ASTN2: variants seen among roughly 807,000 people sequenced by gnomAD.
ASTN2 encodes the protein astrotactin-2.
ASTN2 carries 54 observed loss-of-function variants against 139.8 expected under a neutral mutation model. The observed-to-expected ratio is 0.39, with a 90% CI of 0.31 to 0.48. ASTN2 has a LOEUF of 0.48. Among genes scored for constraint, ASTN2 ranks in the 20% least tolerant of loss-of-function variants. The probability of loss-of-function intolerance (pLI) is 0.95; values close to 1 mark genes in which losing one functional copy is unlikely to be tolerated. For synonymous variants in ASTN2, 756 were observed against 719.5 expected (o/e 1.05, Z -0.81); for missense variants, 1,565 against 1,725.1 (o/e 0.91, Z 1.64).
At chr9:117,400,200 A>T (rs538490033) in intron 1 of ASTN2, among the ~76,000 whole-genome samples, 14 of 152,186 alleles carry the variant, frequency 9.2e-5, no homozygotes, top group Non-Finnish European at 1.8e-4. Flanking sequence ...GTCACACAAC[A>T]AATCAATGGC....
chr9:117,095,974 A>G (rs1278440532), intron 5 of ASTN2, 70 bp downstream of exon 5: 4 of 1,446,958 alleles, frequency 2.8e-6, no homozygotes, highest in African/African-American at 1.4e-5. Flanking sequence ...TTGCTAGTGA[A>G]CACAAAATCT....
At chr9:117,342,164 C>T (rs910239117) in intron 1 of ASTN2, among the ~76,000 whole-genome samples, 5 of 152,098 alleles carry the variant, frequency 3.3e-5, no homozygotes, top group African/African-American at 7.2e-5. Context: ...GAACTCAGGT[C>T]CCCGAACAAA....
At chr9:117,053,463 A>C (rs1838973065) in intron 5 of ASTN2, among the ~76,000 whole-genome samples, 1 of 151,376 alleles carries the variant, frequency 6.6e-6, no homozygotes, top group South Asian at 2.1e-4. Flanking sequence ...TGAAAAAAAA[A>C]CTAATGATCT....
chr9:117,154,089 A>G (rs1335186321), intron 3 of ASTN2, among the ~76,000 whole-genome samples: 1 of 152,030 alleles, frequency 6.6e-6, no homozygotes, highest in Non-Finnish European at 1.5e-5. Context: ...GGTGGTTATA[A>G]AATTAAACAT....
At chr9:116,910,435 AC>A (rs1354238017) in intron 10 of ASTN2, among the ~76,000 whole-genome samples, 8 of 152,186 alleles carry the variant, frequency 5.3e-5, no homozygotes, top group African/African-American at 1.7e-4. Context: ...AATCATGACA[AC>A]CAAAAATGTT....
Position 116,560,280 on chromosome 9 carries a change from C to CT in ASTN2, c.3355+58043dup, listed in dbSNP as rs1852838968. ...TCTCATTACATCACTAACTCACTAGCTCCTTCACTCATTCCATAAGCCTTC... is the reference window on the plus strand; with the variant it reads ...TCTCATTACATCACTAACTCACTAGCTTCCTTCACTCATTCCATAAGCCTTC... On this transcript the variant is annotated intron_variant, in intron 19 of 22. Transcript: ENST00000313400. Among the ~76,000 whole-genome samples the CT allele has an allele frequency of 2.6e-5, 4 of 152,330 alleles. 1 individual carries two copies. The South Asian group carries it at 8.3e-4, about 32-fold the overall frequency.
intron 1 of ASTN2, among the ~76,000 whole-genome samples, chr9:117,338,381 A>G (rs1236943804): frequency 1.3e-5 from 2 of 152,238 alleles, no homozygotes; most frequent in Middle Eastern, 3.4e-3. Flanking sequence ...TTCTTGAAGC[A>G]TATAAGCACC....
chr9:116,773,049 T>C (rs1351983254), intron 13 of ASTN2, among the ~76,000 whole-genome samples: 2 of 150,782 alleles, frequency 1.3e-5, no homozygotes, highest in Non-Finnish European at 2.9e-5. Flanking sequence ...TTCCTCTCTT[T>C]CTAGAAACCA....
intron 1 of ASTN2, among the ~76,000 whole-genome samples, chr9:117,304,972 C>A (rs1042108068): frequency 6.6e-6 from 1 of 152,290 alleles, no homozygotes; most frequent in African/African-American, 2.4e-5. Flanking sequence ...TGTCCCTTCC[C>A]ACCAGAACAG....
At chr9:117,240,369 T>G (rs934697449) in intron 2 of ASTN2, among the ~76,000 whole-genome samples, 1 of 152,140 alleles carries the variant, frequency 6.6e-6, no homozygotes, top group Non-Finnish European at 1.5e-5. Context: ...GGAACGAGGA[T>G]GGTTGAAAAA....
At chr9:116,765,927 T>G (rs775507654) in intron 13 of ASTN2, among the ~76,000 whole-genome samples, 6 of 152,174 alleles carry the variant, frequency 3.9e-5, no homozygotes, top group Non-Finnish European at 8.8e-5. Flanking sequence ...TACAGAAACA[T>G]ATGCTAATTT....
intron 13 of ASTN2, among the ~76,000 whole-genome samples, chr9:116,748,679 A>T (rs1405771005): frequency 6.6e-6 from 1 of 152,180 alleles, no homozygotes; most frequent in Non-Finnish European, 1.5e-5. Context: ...CACTTGCCAG[A>T]TGAGTCCAAG....
At chr9:117,032,177 T>G (rs1838265685) in intron 6 of ASTN2, among the ~76,000 whole-genome samples, 1 of 152,142 alleles carries the variant, frequency 6.6e-6, no homozygotes, top group Admixed American at 6.5e-5. Context: ...CTCTAAGGAT[T>G]CATTGAAGAA....
At chr9:117,290,227 G>A (rs1382884839) in intron 2 of ASTN2, among the ~76,000 whole-genome samples, 4 of 152,182 alleles carry the variant, frequency 2.6e-5, no homozygotes, top group Admixed American at 6.5e-5. Context: ...AGAAGAAAAG[G>A]AGAAGTGAAT....
chr9:117,202,275 G>A (rs1463488406), intron 3 of ASTN2, among the ~76,000 whole-genome samples: 1 of 151,968 alleles, frequency 6.6e-6, no homozygotes, highest in African/African-American at 2.4e-5. Context: ...TACACTGATG[G>A]GTCTTGACTC....
At chr9:116,734,799 C>T (rs770914990) in intron 13 of ASTN2, among the ~76,000 whole-genome samples, 11 of 152,116 alleles carry the variant, frequency 7.2e-5, no homozygotes, top group Non-Finnish European at 1.3e-4. Context: ...CATCTCTGCA[C>T]CCCACTCCAG....
At chr9:117,044,138 G>A (rs181998961) in intron 5 of ASTN2, among the ~76,000 whole-genome samples, 72 of 152,250 alleles carry the variant, frequency 4.7e-4, no homozygotes, top group South Asian at 1.0e-3. Context: ...AAATAGTGGT[G>A]TTTGTCTCAT....
chr9:117,374,056 A>T (rs1383525839), intron 1 of ASTN2, among the ~76,000 whole-genome samples: 1 of 152,212 alleles, frequency 6.6e-6, no homozygotes, highest in African/African-American at 2.4e-5. Context: ...TTAAGAATGA[A>T]GAAAGTGGGG....
intron 3 of ASTN2, among the ~76,000 whole-genome samples, chr9:117,187,541 T>C (rs1386035147): frequency 6.6e-6 from 1 of 152,166 alleles, no homozygotes; most frequent in Non-Finnish European, 1.5e-5. Flanking sequence ...ACTCATGCAT[T>C]AAAGGACTAA....
Sources: allele counts gnomAD v4.1 joint callset (sites outside exome capture counted in the v4.1 genomes callset), GRCh38; gene constraint gnomAD v4.1.1; transcripts MANE v1.5; gene names NCBI Gene and HGNC (gene_info 2026-07-23, HGNC 2026-07-21).